Variants in RFTN1 observed in about 807,000 individuals in gnomAD.
The protein encoded by RFTN1 is raftlin.
Under a neutral mutation model 46.5 loss-of-function variants are expected in RFTN1, and 26 were observed. That is an observed-to-expected ratio of 0.56 (90% CI 0.41 to 0.78). The LOEUF (loss-of-function observed/expected upper bound fraction) is 0.78. RFTN1 is among the 30% of genes least tolerant of loss of function. The probability of loss-of-function intolerance (pLI) is 0.00; values close to 1 mark genes in which losing one functional copy is unlikely to be tolerated. For missense variants in RFTN1, 693 were observed against 718.7 expected (o/e 0.96, Z 0.41); for synonymous variants, 261 against 284.2 (o/e 0.92, Z 0.82).
chr3:16,357,107 G>A (rs1223205979), intron 7 of RFTN1, among the ~76,000 whole-genome samples: 2 of 112,260 alleles, frequency 1.8e-5, no homozygotes, highest in Non-Finnish European at 3.8e-5. Flanking sequence ...AGAGCAAGAT[G>A]CCATCTCAAA....
chr3:16,469,954 G>A (rs2076166682), intron 2 of RFTN1, among the ~76,000 whole-genome samples: 1 of 152,202 alleles, frequency 6.6e-6, no homozygotes, highest in Non-Finnish European at 1.5e-5. Flanking sequence ...CAGAGGAGCT[G>A]TGTGCTCAGA....
Position 16,483,051 on chromosome 3 carries a change from G to GA in RFTN1, c.145+10673dup, listed in dbSNP as rs1559369480. 2.0e-5 allele frequency among the ~76,000 whole-genome samples: 3 copies of GA among 152,150 alleles called. No homozygotes were observed. The highest frequency in any genetic ancestry group is 4.8e-5 in the African/African-American group (2 of 41,432). The stretch of plus-strand genomic sequence containing the variant: ...TCCAAGGTTTGTTTGTTTTTACTTA[G>GA]AAAAAATGCCATCAACGTCAGTGAC... On this transcript the variant is annotated intron_variant, in intron 2 of 9. Coordinates refer to ENST00000334133, the MANE Select transcript of RFTN1 (RefSeq NM_015150.2). This position sits in a 1 kb window ranked among gnomAD's most constrained non-coding sequence, Gnocchi z 4.8.
chr3:16,389,831 TTA>T (rs2074304192), intron 4 of RFTN1, among the ~76,000 whole-genome samples: 1 of 152,232 alleles, frequency 6.6e-6, no homozygotes, highest in Non-Finnish European at 1.5e-5. Flanking sequence ...CTATGGGTCC[TTA>T]TGACGGCCTC....
intron 6 of RFTN1, among the ~76,000 whole-genome samples, chr3:16,367,242 T>C (rs1384555976): frequency 6.6e-6 from 1 of 152,310 alleles, no homozygotes; most frequent in African/African-American, 2.4e-5. Flanking sequence ...ACTAATTATC[T>C]CACTAGAAAT....
At chr3:16,432,764 G>C (rs2075417493) in intron 3 of RFTN1, among the ~76,000 whole-genome samples, 2 of 152,282 alleles carry the variant, frequency 1.3e-5, no homozygotes, top group South Asian at 4.2e-4. Flanking sequence ...AAACATGTGT[G>C]AATTCTGGGT....
chr3:16,436,358 ATT>A (rs61519479), intron 2 of RFTN1, among the ~76,000 whole-genome samples: 27,578 of 125,010 alleles, frequency 0.22, 2,792 homozygotes, highest in African/African-American at 0.27. Context: ...GAAAAAAAAA[ATT>A]TTTTTTTTTT....
chr3:16,481,445 C>A lies in RFTN1; in HGVS notation c.145+12280G>T, dbSNP rs1272151362. 6.6e-6 allele frequency among the ~76,000 whole-genome samples: 1 copy of A among 152,188 alleles called. No individual in the cohort carries two copies. The highest frequency in any genetic ancestry group is 2.4e-5 in the African/African-American group (1 of 41,436). On this transcript the variant is annotated intron_variant, in intron 2 of 9. Coordinates refer to ENST00000334133, the MANE Select transcript of RFTN1 (RefSeq NM_015150.2). This position sits in a 1 kb window ranked among gnomAD's most constrained non-coding sequence, Gnocchi z 5.1. ...TTAAAAACATGGTCTGTTTTTAACA[C>A]ACCTCCCAGCCAGAACCTCAACTCA... is the stretch of plus-strand genomic sequence containing the variant.
chr3:16,394,894 AGTGC>A (rs2074433000), intron 4 of RFTN1, among the ~76,000 whole-genome samples: 1 of 152,218 alleles, frequency 6.6e-6, no homozygotes, highest in Non-Finnish European at 1.5e-5. Context: ...GAATTTTAAA[AGTGC>A]TGAATCCCAA....
chr3:16,336,936 C>T lies in RFTN1; in HGVS notation c.1147-10060G>A, dbSNP rs1240534664. On this transcript the variant is annotated intron_variant, in intron 7 of 9. Coordinates refer to ENST00000334133, the MANE Select transcript of RFTN1 (RefSeq NM_015150.2). This position sits in a 1 kb window ranked among gnomAD's most constrained non-coding sequence, Gnocchi z 6.0. ...TATTATGACTTCCCTGTGTCCAGGC[C>T]ACTTTCCAACACAGCTCGGCAGCTC... Among the ~76,000 whole-genome samples the T allele has an allele frequency of 6.6e-6, 1 of 152,168 alleles. No homozygotes were observed. Among genetic ancestry groups the T allele is most frequent in the African/African-American group, 2.4e-5 (1 of 41,438 alleles).
Position 16,348,628 on chromosome 3 carries a change from G to T in RFTN1, c.1146+9304C>A, listed in dbSNP as rs1434291554. On this transcript the variant is annotated intron_variant, in intron 7 of 9. Transcript: ENST00000334133. This position sits in a 1 kb window ranked among gnomAD's most constrained non-coding sequence, Gnocchi z 6.3. The stretch of plus-strand genomic sequence containing the variant: ...TGTCTTCTTCCCGAGGCTCCTTGAT[G>T]TGTGGGGCCTCAGCAAATGCCCCTT... 6.6e-6 allele frequency among the ~76,000 whole-genome samples: 1 copy of T among 152,204 alleles called. No individual in the cohort carries two copies. Among genetic ancestry groups the T allele is most frequent in the African/African-American group, 2.4e-5 (1 of 41,460 alleles).
In RFTN1 at chr3:16,377,797, A is replaced by G. The variant is rs2073835201; in HGVS notation, c.747T>C (p.Leu249=). 6.2e-7 allele frequency: 1 copy of G among 1,613,988 alleles called. No individual in the cohort carries two copies. The highest frequency in any genetic ancestry group is 1.7e-5 in the Admixed American group (1 of 60,000). The part of the protein sequence containing the change: ...SPSGEGDGGE[L]SPQGVSKTLD... ...GTGTCTTGCTCACCCCCTGTGGTGA[A>G]AGTTCTCCACCATCTCCCTCTCCGG... Residue 249 remains leucine (L), a synonymous_variant, in exon 5 of 10, where the codon CTT becomes CTC. Transcript: ENST00000334133.
chr3:16,445,259 T>C (rs1439713471), intron 2 of RFTN1, among the ~76,000 whole-genome samples: 2 of 152,068 alleles, frequency 1.3e-5, no homozygotes, highest in African/African-American at 2.4e-5. Context: ...ATTGCTCTGA[T>C]ACCTTCTCAT....
chr3:16,456,201 G>A (rs1403293308), intron 2 of RFTN1, among the ~76,000 whole-genome samples: 1 of 152,206 alleles, frequency 6.6e-6, no homozygotes, highest in African/African-American at 2.4e-5. Flanking sequence ...GAGGAATGCA[G>A]CCGGGTTCTA....
At chr3:16,508,233 T>G (rs1329295976) in intron 1 of RFTN1, among the ~76,000 whole-genome samples, 1 of 152,176 alleles carries the variant, frequency 6.6e-6, no homozygotes, top group Non-Finnish European at 1.5e-5. Flanking sequence ...CACTGTCCCA[T>G]GTAACTGGGA....
Position 16,489,137 on chromosome 3 carries a change from G to C in RFTN1, c.145+4588C>G, listed in dbSNP as rs568392135. 2.0e-5 allele frequency among the ~76,000 whole-genome samples: 3 copies of C among 152,282 alleles called. No homozygotes were observed. The highest frequency in any genetic ancestry group is 7.2e-5 in the African/African-American group (3 of 41,548). On this transcript the variant is annotated intron_variant, in intron 2 of 9. Coordinates refer to ENST00000334133, the MANE Select transcript of RFTN1 (RefSeq NM_015150.2). The surrounding 1 kb of genome is among the most constrained non-coding windows in gnomAD (Gnocchi z 4.0). ...CTGGGAAATAAAATCAGTGATGGAG[G>C]CCGGGTGAGGTGGCTCACACCTGTA...
chr3:16,493,685 AC>A (rs1222951569), intron 2 of RFTN1, 39 bp downstream of exon 2: 1 of 1,471,742 alleles, frequency 6.8e-7, no homozygotes, highest in African/African-American at 1.5e-5. Flanking sequence ...CCTGCTGGAG[AC>A]CCCACCTGCC....
chr3:16,323,435 G>T lies in RFTN1; in HGVS notation c.1273C>A (p.Gln425Lys), dbSNP rs766277912. Residue 425 changes from glutamine to lysine, a missense_variant, in exon 9 of 10, where the codon CAG becomes AAG. Coordinates refer to ENST00000334133, the MANE Select transcript of RFTN1 (RefSeq NM_015150.2). ...CAAGGTCTCTGAAGAAAGACAATCT[G>T]CTTGGTGGATACACTCCCCTCGCTG... ...TTSEGSVSTK[Q>K]IVFLQRPCLP... 1.2e-6 allele frequency: 2 copies of T among 1,612,518 alleles called. No homozygotes were observed. The highest frequency in any genetic ancestry group is 3.3e-5 in the Admixed American group (2 of 60,008).
chr3:16,319,478 C>T (rs540845868), intron 9 of RFTN1, among the ~76,000 whole-genome samples: 1 of 152,344 alleles, frequency 6.6e-6, no homozygotes, highest in Admixed American at 6.5e-5. Context: ...GTGCACACCT[C>T]CAGGGCCCCA....
At chr3:16,326,626 T>C (rs562079344) in intron 8 of RFTN1, 147 bp downstream of exon 8, 2 of 628,322 alleles carry the variant, frequency 3.2e-6, no homozygotes, top group Non-Finnish European at 5.5e-6. Flanking sequence ...AAATTCTGGC[T>C]CTGCTGCTTC....
Sources: allele counts gnomAD v4.1 joint callset (sites outside exome capture counted in the v4.1 genomes callset), GRCh38; gene constraint gnomAD v4.1.1; non-coding constraint Gnocchi (gnomAD v3.1); transcripts MANE v1.5; gene names NCBI Gene and HGNC (gene_info 2026-07-23, HGNC 2026-07-21).